The following TMPRSS15 variants were observed in gnomAD, a reference collection of about 807,000 sequenced individuals.
TMPRSS15 encodes enteropeptidase.
A neutral mutation model predicts 125.3 loss-of-function variants in TMPRSS15; 128 were observed. The ratio of observed to expected loss-of-function variants is 1.02; its 90% CI spans 0.89 to 1.18. The LOEUF (loss-of-function observed/expected upper bound fraction) is 1.18. Among genes scored for constraint, TMPRSS15 ranks in the 50% most tolerant of loss-of-function variants. TMPRSS15 has a pLI of 0.00. For missense variants in TMPRSS15, 1,283 were observed against 1,212.7 expected (o/e 1.06, Z -0.86); for synonymous variants, 446 against 423.2 (o/e 1.05, Z -0.66).
chr21:18,353,734 C>G lies in TMPRSS15; in HGVS notation c.1010G>C (p.Ser337Thr), dbSNP rs2075595913. Residue 337 changes from serine to threonine, a missense_variant, in exon 9 of 25, where the codon AGT (serine) becomes ACT (threonine). Physicochemically the swap from Ser to Thr is moderately conservative, Grantham distance 58. Transcript: ENST00000284885. ...FNATYTAFNSSELNNYEKINC... is the reference protein window; with the variant it reads ...FNATYTAFNSTELNNYEKINC... Reference sequence around the variant, plus strand: ...TAAATAATACTTACTATTAAGCTCACTGCTGTTAAATGCAGTATATGTTGC... The same window carrying G: ...TAAATAATACTTACTATTAAGCTCAGTGCTGTTAAATGCAGTATATGTTGC... The G allele has an allele frequency of 3.7e-6, 6 of 1,610,768 alleles. No individual in the cohort carries two copies. The highest frequency in any genetic ancestry group is 5.1e-6 in the Non-Finnish European group (6 of 1,177,994).
At chr21:18,320,389 T>C (rs1311823441) in intron 16 of TMPRSS15, among the ~76,000 whole-genome samples, 1 of 152,142 alleles carries the variant, frequency 6.6e-6, no homozygotes, top group Non-Finnish European at 1.5e-5. Flanking sequence ...GAAATCACTA[T>C]GTAAAAAATG....
At chr21:18,409,423 A>G (rs1393881277) in intron 1 of TMPRSS15, among the ~76,000 whole-genome samples, 1 of 151,984 alleles carries the variant, frequency 6.6e-6, no homozygotes. Flanking sequence ...TTGTTGTTCA[A>G]TTTACTAGAA....
At chr21:18,287,874 T>G (rs1398194426) in intron 21 of TMPRSS15, among the ~76,000 whole-genome samples, 1 of 152,162 alleles carries the variant, frequency 6.6e-6, no homozygotes, top group East Asian at 1.9e-4. Context: ...ACCTAAGCTC[T>G]AACCAAAGTC....
chr21:18,326,622 G>T, intron 15 of TMPRSS15, 50 bp from the exon 16 acceptor site: 1 of 1,611,116 alleles, frequency 6.2e-7, no homozygotes, highest in Non-Finnish European at 8.5e-7. Flanking sequence ...TTTGGATCTA[G>T]AAGGAAATGT....
chr21:18,311,721 C>A (rs2075102987), intron 18 of TMPRSS15, among the ~76,000 whole-genome samples: 2 of 152,172 alleles, frequency 1.3e-5, no homozygotes, highest in Non-Finnish European at 1.5e-5. Context: ...TATAATCCAG[C>A]ACTTCCACTG....
chr21:18,442,780 G>A (rs1414064781), intron 1 of TMPRSS15, among the ~76,000 whole-genome samples: 1 of 152,114 alleles, frequency 6.6e-6, no homozygotes, highest in Non-Finnish European at 1.5e-5. Flanking sequence ...CTTTTATTAT[G>A]ATGATTTCAT....
At chr21:18,302,638 T>C (rs2074985546) in intron 18 of TMPRSS15, among the ~76,000 whole-genome samples, 1 of 152,230 alleles carries the variant, frequency 6.6e-6, no homozygotes, top group Admixed American at 6.5e-5. Context: ...AATCAATTTC[T>C]ACTTTTGTGC....
intron 1 of TMPRSS15, among the ~76,000 whole-genome samples, chr21:18,415,142 C>A (rs2076176681): frequency 6.6e-6 from 1 of 152,156 alleles, no homozygotes; most frequent in African/African-American, 2.4e-5. Context: ...CACCTGCTGG[C>A]CATTTCTGTG....
Position 18,403,649 on chromosome 21 carries a change from A to T in TMPRSS15, c.-27T>A, listed in dbSNP as rs2076118213. 1.2e-6 allele frequency: 2 copies of T among 1,613,740 alleles called. No individual in the cohort carries two copies. The highest frequency in any genetic ancestry group is 4.5e-5 in the East Asian group (2 of 44,854). ...TTTGGTTTTGAAGGCTTGCTAATTTAAGAACTGAAAGAGAATATAAATAAT... is the reference window on the plus strand; with the variant it reads ...TTTGGTTTTGAAGGCTTGCTAATTTTAGAACTGAAAGAGAATATAAATAAT... On this transcript the variant is annotated 5_prime_UTR_variant, in exon 1 of 25. Coordinates refer to ENST00000284885, the MANE Select transcript of TMPRSS15 (RefSeq NM_002772.3).
chr21:18,460,163 G>T (rs1367318048), intron 1 of TMPRSS15, among the ~76,000 whole-genome samples: 1 of 152,014 alleles, frequency 6.6e-6, no homozygotes, highest in African/African-American at 2.4e-5. Flanking sequence ...CTGCCTCATT[G>T]CATTGGATTG....
chr21:18,289,917 G>A (rs2074813149), intron 21 of TMPRSS15, among the ~76,000 whole-genome samples: 1 of 152,164 alleles, frequency 6.6e-6, no homozygotes, highest in Non-Finnish European at 1.5e-5. Context: ...ACAGGTGCAT[G>A]CATTTAAAAA....
intron 13 of TMPRSS15, among the ~76,000 whole-genome samples, chr21:18,338,639 T>C (rs1445157507): frequency 6.6e-6 from 1 of 152,132 alleles, no homozygotes; most frequent in African/African-American, 2.4e-5. Context: ...TTAGTTTTGG[T>C]ACCAAAATTT....
chr21:18,292,666 G>A (rs2074852856), intron 21 of TMPRSS15, among the ~76,000 whole-genome samples: 1 of 152,184 alleles, frequency 6.6e-6, no homozygotes, highest in East Asian at 1.9e-4. Context: ...GATATAGCAA[G>A]GTTGCTAACT....
At chr21:18,441,733 C>T (rs1229567783) in intron 1 of TMPRSS15, among the ~76,000 whole-genome samples, 1 of 149,706 alleles carries the variant, frequency 6.7e-6, no homozygotes, top group African/African-American at 2.5e-5. Flanking sequence ...CTCTGTTGCC[C>T]AGACTGGAGT....
intron 17 of TMPRSS15, among the ~76,000 whole-genome samples, chr21:18,314,501 C>G (rs896782677): frequency 6.6e-6 from 1 of 152,130 alleles, no homozygotes; most frequent in Non-Finnish European, 1.5e-5. Context: ...TGGTCATGAA[C>G]TCCTGACCTC....
intron 18 of TMPRSS15, among the ~76,000 whole-genome samples, chr21:18,299,238 A>T (rs138142732): frequency 6.6e-6 from 1 of 152,356 alleles, no homozygotes; most frequent in East Asian, 1.9e-4. Flanking sequence ...CTTAGAAAAC[A>T]AAACAGGTGT....
At chr21:18,318,645 T>C (rs1461509105) in intron 16 of TMPRSS15, among the ~76,000 whole-genome samples, 7 of 152,214 alleles carry the variant, frequency 4.6e-5, no homozygotes, top group Admixed American at 4.6e-4. Context: ...TACAAGTGAG[T>C]GTAAGTTACT....
At chr21:18,438,691 G>T (rs1036874794) in intron 1 of TMPRSS15, among the ~76,000 whole-genome samples, 1 of 152,100 alleles carries the variant, frequency 6.6e-6, no homozygotes, top group African/African-American at 2.4e-5. Context: ...ACCTGGCCCT[G>T]AGTCACAGTA....
chr21:18,410,035 T>C lies in TMPRSS15; in HGVS notation c.11-11706A>G, dbSNP rs574062156. Among the ~76,000 whole-genome samples, 209 of 151,634 alleles carry C rather than the reference T, an allele frequency of 1.4e-3. 3 individuals carry two copies. The highest frequency in any genetic ancestry group is 1.6e-3 in the Non-Finnish European group (112 of 67,934). Reference sequence around the variant, plus strand: ...TTGTCGTAGTCCTACCTGTGTTATTTTTCATTGTTTTCCCATAGAGTAGGT... The same window carrying C: ...TTGTCGTAGTCCTACCTGTGTTATTCTTCATTGTTTTCCCATAGAGTAGGT... On this transcript the variant is annotated intron_variant, in intron 1 of 7. Coordinates refer to the TMPRSS15 transcript ENST00000422787.
Sources: allele counts gnomAD v4.1 joint callset (sites outside exome capture counted in the v4.1 genomes callset), GRCh38; gene constraint gnomAD v4.1.1; transcripts MANE v1.5; gene names NCBI Gene and HGNC (gene_info 2026-07-23, HGNC 2026-07-21).